The following SORCS1 variants were observed in gnomAD, a reference collection of about 807,000 sequenced individuals.
SORCS1 encodes VPS10 domain-containing receptor SorCS1.
SORCS1 carries 60 observed loss-of-function variants against 146.1 expected under a neutral mutation model. The observed-to-expected ratio is 0.41, with a 90% CI of 0.33 to 0.51. SORCS1 has a LOEUF of 0.51. Among genes scored for constraint, SORCS1 ranks in the 20% least tolerant of loss-of-function variants. The pLI is 0.21. For missense variants in SORCS1, 1,352 were observed against 1,487.6 expected, an observed-to-expected ratio of 0.91 and a Z score of 1.50; for synonymous variants, 637 against 584.0, an observed-to-expected ratio of 1.09 and a Z score of -1.31.
intron 8 of SORCS1, among the ~76,000 whole-genome samples, chr10:106,699,762 T>C (rs906526850): frequency 6.6e-6 from 1 of 152,146 alleles, no homozygotes; most frequent in African/African-American, 2.4e-5. Flanking sequence ...ATGGGGTAGA[T>C]ATGAGGAAAA....
At chr10:106,749,232 T>C (rs1177693441) in intron 5 of SORCS1, among the ~76,000 whole-genome samples, 1 of 152,176 alleles carries the variant, frequency 6.6e-6, no homozygotes, top group African/African-American at 2.4e-5. Context: ...CTTCCAAGAC[T>C]CATTTTAGTT....
intron 10 of SORCS1, among the ~76,000 whole-genome samples, chr10:106,683,153 C>T (rs1249029781): frequency 6.6e-6 from 1 of 152,302 alleles, no homozygotes; most frequent in South Asian, 2.1e-4. Context: ...ATAAGTGGAC[C>T]TCTAGTTACT....
intron 1 of SORCS1, among the ~76,000 whole-genome samples, chr10:107,157,933 A>G (rs903848934): frequency 2.6e-5 from 4 of 152,166 alleles, no homozygotes; most frequent in Non-Finnish European, 5.9e-5. Context: ...CCTTCTCTAC[A>G]CCTTTTAGCC....
intron 4 of SORCS1, among the ~76,000 whole-genome samples, chr10:106,769,705 G>A (rs766505030): frequency 2.0e-5 from 3 of 152,126 alleles, no homozygotes; most frequent in Non-Finnish European, 2.9e-5. Flanking sequence ...GTCATTGGCT[G>A]TTCATCACAT....
chr10:106,984,849 A>C (rs545200541), intron 1 of SORCS1, among the ~76,000 whole-genome samples: 5 of 152,190 alleles, frequency 3.3e-5, no homozygotes, highest in Non-Finnish European at 7.3e-5. Context: ...TATGATGAAA[A>C]CATTAGTAAA....
chr10:106,612,282 G>C (rs1397935334), intron 21 of SORCS1, among the ~76,000 whole-genome samples: 4 of 152,032 alleles, frequency 2.6e-5, no homozygotes, highest in African/African-American at 9.6e-5. Context: ...TATAGAGACA[G>C]AGGGAGGGGG....
At chr10:106,819,431 T>A (rs1288523607) in intron 3 of SORCS1, among the ~76,000 whole-genome samples, 1 of 152,210 alleles carries the variant, frequency 6.6e-6, no homozygotes, top group South Asian at 2.1e-4. Context: ...AAATTCATAA[T>A]GACCACCTTC....
intron 23 of SORCS1, among the ~76,000 whole-genome samples, chr10:106,597,945 C>CGTAA (rs1236656803): frequency 2.6e-5 from 4 of 152,076 alleles, no homozygotes; most frequent in Non-Finnish European, 5.9e-5. Flanking sequence ...ACAGCCACAA[C>CGTAA]GTAAGTAACA....
At chr10:106,943,440 G>A (rs989082155) in intron 2 of SORCS1, among the ~76,000 whole-genome samples, 2 of 151,936 alleles carry the variant, frequency 1.3e-5, no homozygotes, top group African/African-American at 2.4e-5. Context: ...GGACTCCAAG[G>A]CCATGTATAC....
chr10:106,996,529 A>G (rs1316056354), intron 1 of SORCS1, among the ~76,000 whole-genome samples: 1 of 152,240 alleles, frequency 6.6e-6, no homozygotes, highest in Non-Finnish European at 1.5e-5. Flanking sequence ...GGCCCCTAGG[A>G]TCCTTAGAAA....
intron 3 of SORCS1, among the ~76,000 whole-genome samples, chr10:106,793,151 A>C (rs1256161978): frequency 6.6e-6 from 1 of 152,220 alleles, no homozygotes; most frequent in Non-Finnish European, 1.5e-5. Flanking sequence ...AAATGTACAA[A>C]ATTTTACTAG....
chr10:106,751,241 A>G (rs920887691), intron 5 of SORCS1, among the ~76,000 whole-genome samples: 1 of 152,078 alleles, frequency 6.6e-6, no homozygotes, highest in Non-Finnish European at 1.5e-5. Context: ...ACGCCTCAGT[A>G]GACCTTGGGA....
At chr10:106,642,862 C>T (rs919810294) in intron 18 of SORCS1, among the ~76,000 whole-genome samples, 1 of 152,156 alleles carries the variant, frequency 6.6e-6, no homozygotes, top group Non-Finnish European at 1.5e-5. Flanking sequence ...CATTAGTATT[C>T]TCAGAGAAGC....
At position 107,097,646 on chromosome 10, in the gene SORCS1, T is replaced by G. The variant is rs1964632940; in HGVS notation, c.558+66323A>C. 2.0e-5 allele frequency among the ~76,000 whole-genome samples: 3 copies of G among 152,194 alleles called. No homozygotes were observed. In the South Asian group the frequency reaches 6.2e-4, roughly 32 times the overall value. On this transcript the variant is annotated intron_variant, in intron 1 of 25. Transcript: ENST00000263054. ...AGGCCATATTCTTCTTACCTGTGCC[T>G]GCAGCTCTCCTCATCTGTGCCCTCC... is the stretch of plus-strand genomic sequence containing the variant.
chr10:106,620,681 C>G, intron 19 of SORCS1, 120 bp from the exon 20 acceptor site: 1 of 1,267,538 alleles, frequency 7.9e-7, no homozygotes, highest in African/African-American at 1.5e-5. Context: ...TGCCATATTC[C>G]CCAAAAGAAG....
At chr10:106,716,293 T>C (rs821947) in intron 6 of SORCS1, among the ~76,000 whole-genome samples, 1 of 152,006 alleles carries the variant, frequency 6.6e-6, no homozygotes, top group African/African-American at 2.4e-5. Context: ...CTGTTGGAGC[T>C]ATCTTCTAGG....
intron 6 of SORCS1, among the ~76,000 whole-genome samples, chr10:106,718,542 G>A (rs929882887): frequency 1.3e-5 from 2 of 152,302 alleles, no homozygotes; most frequent in South Asian, 4.1e-4. Context: ...AGCTCATAAA[G>A]GTAATGCAGA....
rs746140514 is a variant in SORCS1, at chr10:106,960,938, C to A, written c.559-4358G>T. ...CTTTGCTCAGGCCCTTACAAAGCTC[C>A]TACTGAATAATTCCATCAACTCTAG... On this transcript the variant is annotated intron_variant, in intron 1 of 25. Transcript: ENST00000263054. This position sits in a 1 kb window ranked among gnomAD's most constrained non-coding sequence, Gnocchi z 4.4. 1.6e-4 allele frequency among the ~76,000 whole-genome samples: 25 copies of A among 152,184 alleles called. No homozygotes were observed. The highest frequency in any genetic ancestry group is 3.7e-4 in the Non-Finnish European group (25 of 68,042).
At chr10:106,840,281 A>C (rs918078975) in intron 2 of SORCS1, among the ~76,000 whole-genome samples, 8 of 152,188 alleles carry the variant, frequency 5.3e-5, no homozygotes, top group African/African-American at 1.9e-4. Flanking sequence ...CATTCATAGG[A>C]AGTTGGAAGA....
Sources: allele counts gnomAD v4.1 joint callset (sites outside exome capture counted in the v4.1 genomes callset), GRCh38; gene constraint gnomAD v4.1.1; non-coding constraint Gnocchi (gnomAD v3.1); transcripts MANE v1.5; gene names NCBI Gene and HGNC (gene_info 2026-07-23, HGNC 2026-07-21).